Variants in MIR2052HG observed in about 807,000 individuals in gnomAD.
MIR2052HG encodes the protein MIR2052 host gene.
intron 1 of MIR2052HG, chr8:74,604,094 C>T: frequency 1.1e-6 from 1 of 935,998 alleles, no homozygotes; most frequent in Non-Finnish European, 1.8e-6. Flanking sequence ...CAATTCCCTT[C>T]TGAGATGTTG....
chr8:74,604,583 CTTTT>C (rs35641908), intron 1 of MIR2052HG, among the ~76,000 whole-genome samples: 6 of 50,008 alleles, frequency 1.2e-4, no homozygotes, highest in East Asian at 6.3e-4. Flanking sequence ...TGTTTCTTTA[CTTTT>C]TTTTTTTTTT....
chr8:74,611,358 A>G (rs1563511804), intron 1 of MIR2052HG, among the ~76,000 whole-genome samples: 1 of 152,156 alleles, frequency 6.6e-6, no homozygotes, highest in Non-Finnish European at 1.5e-5. Flanking sequence ...ACTCTTATAT[A>G]CTGTTGGTGG....
At chr8:74,701,417 G>C (rs1202501181) in intron 2 of MIR2052HG, among the ~76,000 whole-genome samples, 1 of 152,016 alleles carries the variant, frequency 6.6e-6, no homozygotes, top group African/African-American at 2.4e-5. Flanking sequence ...TTGTGCGGGG[G>C]TTGGAAGTCA....
intron 2 of MIR2052HG, among the ~76,000 whole-genome samples, chr8:74,653,037 T>G (rs1333713808): frequency 6.6e-6 from 1 of 152,236 alleles, no homozygotes; most frequent in Non-Finnish European, 1.5e-5. Context: ...ATTCTGTCTC[T>G]TTAGCTATAC....
In MIR2052HG at chr8:74,753,496, GAC is replaced by G. The variant is rs370615123; in HGVS notation, n.464+966_464+967del. On this transcript the variant is annotated intron_variant and non_coding_transcript_variant, in intron 5 of 6. Coordinates refer to ENST00000523442, the Ensembl canonical transcript of MIR2052HG. The stretch of plus-strand genomic sequence containing the variant: ...ATGTTTCTAGAAAGAGCTGTGAGAT[GAC>G]ACTAAACTGACTGTGTTCTGTTACA... 2.6e-3 allele frequency among the ~76,000 whole-genome samples: 391 copies of G among 152,282 alleles called. 2 individuals carry two copies. The highest frequency in any genetic ancestry group is 8.4e-3 in the African/African-American group (351 of 41,568).
At chr8:74,705,161 T>C (rs1456564832) in intron 4 of MIR2052HG, among the ~76,000 whole-genome samples, 2 of 152,026 alleles carry the variant, frequency 1.3e-5, no homozygotes, top group Non-Finnish European at 2.9e-5. Flanking sequence ...TCAATTTTGA[T>C]TTCTAATTCA....
chr8:74,650,265 C>T (rs551181707), intron 2 of MIR2052HG, among the ~76,000 whole-genome samples: 16 of 152,168 alleles, frequency 1.1e-4, no homozygotes, highest in Non-Finnish European at 2.1e-4. Context: ...TCTGGAATTT[C>T]GTATAAATAA....
chr8:74,667,291 G>C (rs571749058), intron 2 of MIR2052HG, among the ~76,000 whole-genome samples: 1 of 152,168 alleles, frequency 6.6e-6, no homozygotes, highest in South Asian at 2.1e-4. Flanking sequence ...TGGCAGTAAG[G>C]GCAAGAATTC....
intron 2 of MIR2052HG, among the ~76,000 whole-genome samples, chr8:74,645,349 G>A (rs893717777): frequency 2.0e-5 from 3 of 151,236 alleles, no homozygotes; most frequent in East Asian, 1.9e-4. Flanking sequence ...GCAATGGCAC[G>A]ATCTTGGCTC....
chr8:74,635,252 T>C (rs1808568870), intron 2 of MIR2052HG, among the ~76,000 whole-genome samples: 1 of 152,134 alleles, frequency 6.6e-6, no homozygotes, highest in Non-Finnish European at 1.5e-5. Context: ...TTTTTTTTTT[T>C]TTTACCGTCA....
chr8:74,734,102 A>T (rs1318155010), intron 4 of MIR2052HG, among the ~76,000 whole-genome samples: 1 of 152,240 alleles, frequency 6.6e-6, no homozygotes, highest in East Asian at 1.9e-4. Flanking sequence ...AAGGGCTAAT[A>T]TCCAGAATCT....
At chr8:74,717,815 GA>G (rs1237714297) in intron 4 of MIR2052HG, among the ~76,000 whole-genome samples, 317 of 122,406 alleles carry the variant, frequency 2.6e-3, no homozygotes, top group African/African-American at 4.1e-3. Context: ...CTCAAAAAAA[GA>G]AAAAAAAAAA....
At chr8:74,727,479 TTAG>T (rs1273682764) in intron 4 of MIR2052HG, among the ~76,000 whole-genome samples, 1 of 151,682 alleles carries the variant, frequency 6.6e-6, no homozygotes, top group African/African-American at 2.4e-5. Flanking sequence ...GGTTACATTC[TTAG>T]TAGTGTAAGA....
At chr8:74,660,987 T>C (rs919828284) in intron 2 of MIR2052HG, among the ~76,000 whole-genome samples, 1 of 152,078 alleles carries the variant, frequency 6.6e-6, no homozygotes, top group African/African-American at 2.4e-5. Context: ...TAATTTTAAA[T>C]AATATATAAT....
chr8:74,682,623 A>C (rs1286360424), intron 2 of MIR2052HG, among the ~76,000 whole-genome samples: 1 of 152,140 alleles, frequency 6.6e-6, no homozygotes, highest in South Asian at 2.1e-4. Flanking sequence ...CTTAACACAC[A>C]CAAGTTGCCA....
chr8:74,738,493 C>A (rs1273394942), intron 4 of MIR2052HG, among the ~76,000 whole-genome samples: 1 of 152,104 alleles, frequency 6.6e-6, no homozygotes, highest in Non-Finnish European at 1.5e-5. Context: ...CTCTTATTCT[C>A]TAAATTACTT....
chr8:74,694,288 G>A (rs906265543), intron 2 of MIR2052HG, among the ~76,000 whole-genome samples: 5 of 152,176 alleles, frequency 3.3e-5, no homozygotes, highest in Non-Finnish European at 7.3e-5. Flanking sequence ...CTCTCAGGAA[G>A]CCCCATTCCT....
chr8:74,712,092 T>C (rs898613597), intron 4 of MIR2052HG, among the ~76,000 whole-genome samples: 11 of 152,230 alleles, frequency 7.2e-5, no homozygotes, highest in African/African-American at 2.4e-4. Context: ...ATCTATCTTT[T>C]GTTATTTGGG....
chr8:74,684,721 C>A (rs1809161562), intron 2 of MIR2052HG, among the ~76,000 whole-genome samples: 1 of 152,130 alleles, frequency 6.6e-6, no homozygotes, highest in South Asian at 2.1e-4. Context: ...TAAGAACCAT[C>A]ACTAAGGTGG....
Sources: allele counts gnomAD v4.1 joint callset (sites outside exome capture counted in the v4.1 genomes callset), GRCh38; gene constraint gnomAD v4.1.1; transcripts MANE v1.5; gene names NCBI Gene and HGNC (gene_info 2026-07-23, HGNC 2026-07-21).